BMPER: variants seen among roughly 807,000 people sequenced by gnomAD.
BMPER encodes the protein BMP-binding endothelial regulator protein.
A neutral mutation model predicts 87.3 loss-of-function variants in BMPER; 45 were observed. That is an observed-to-expected ratio of 0.52 (90% confidence interval 0.41 to 0.66). The LOEUF (loss-of-function observed/expected upper bound fraction) is 0.66. BMPER is among the 30% of genes least tolerant of loss of function. The probability of loss-of-function intolerance (pLI) is 0.00; values close to 1 mark genes in which losing one functional copy is unlikely to be tolerated. For synonymous variants in BMPER, 326 were observed against 316.2 expected, an observed-to-expected ratio of 1.03 and a Z score of -0.33; for missense variants, 784 against 867.5, an observed-to-expected ratio of 0.90 and a Z score of 1.21.
intron 3 of BMPER, among the ~76,000 whole-genome samples, chr7:33,949,244 T>A (rs1461733575): frequency 6.6e-6 from 1 of 152,204 alleles, no homozygotes; most frequent in East Asian, 1.9e-4. Context: ...TGTGTATGTG[T>A]GTGCTTGGCT....
Position 34,085,933 on chromosome 7 carries a change from A to T in BMPER, c.1586A>T (p.Glu529Val). 2 of 1,614,126 alleles carry T rather than the reference A, an allele frequency of 1.2e-6. No homozygotes were observed. The highest frequency in any genetic ancestry group is 1.7e-6 in the Non-Finnish European group (2 of 1,180,018). ...VDDFAESWRV[E>V]SNEFCNRPQR... ...GACTTTGCTGAATCTTGGAGGGTGG[A>T]GTCCAATGAGTTCTGCAACAGACCT... is the stretch of plus-strand genomic sequence containing the variant. Residue 529 changes from glutamate (E) to valine (V), a missense_variant, in exon 13 of 15, where the codon GAG (glutamate) becomes GTG (valine). Glu to Val is a moderately radical substitution (Grantham distance 121, BLOSUM62 -2). Coordinates refer to ENST00000649409, the MANE Select transcript of BMPER (RefSeq NM_001365308.1).
intron 6 of BMPER, among the ~76,000 whole-genome samples, chr7:34,029,353 C>G (rs926309114): frequency 1.3e-5 from 2 of 152,060 alleles, no homozygotes; most frequent in Admixed American, 6.6e-5. Context: ...GGGGACCAGG[C>G]TAGAGATGGG....
At chr7:33,905,436 T>TCCCCCCCCCCCCCCCCCCCCC, upstream of BMPER, 1 of 20,338 alleles carries the variant, frequency 4.9e-5, no homozygotes, top group South Asian at 5.0e-4. Context: ...CACCTTGGTC[T>TCCCCCCCCCCCCCCCCCCCCC]CTCCCCCCGC....
chr7:33,945,243 C>CTTTTT (rs376447828), intron 3 of BMPER, among the ~76,000 whole-genome samples: 26 of 81,764 alleles, frequency 3.2e-4, no homozygotes, highest in East Asian at 1.3e-3. Flanking sequence ...GCCTGGACTT[C>CTTTTT]TTTTTTTTTT....
chr7:34,028,664 G>GT (rs1787442186), intron 6 of BMPER, among the ~76,000 whole-genome samples: 1 of 40,388 alleles, frequency 2.5e-5, no homozygotes, highest in Non-Finnish European at 4.9e-5. Context: ...TGGTTTCTTC[G>GT]TATTTGTCCA....
At chr7:34,011,602 A>AG (rs1786881294) in intron 6 of BMPER, among the ~76,000 whole-genome samples, 2 of 148,754 alleles carry the variant, frequency 1.3e-5, no homozygotes, top group Non-Finnish European at 3.0e-5. Flanking sequence ...AAAAAAAAAA[A>AG]AAGAAAAAAA....
At chr7:34,128,092 T>C (rs1346781370) in intron 13 of BMPER, among the ~76,000 whole-genome samples, 1 of 152,236 alleles carries the variant, frequency 6.6e-6, no homozygotes, top group Non-Finnish European at 1.5e-5. Flanking sequence ...TCTCGTGATG[T>C]CTGTTCCCCT....
At chr7:34,113,765 A>G (rs1340499321) in intron 13 of BMPER, among the ~76,000 whole-genome samples, 2 of 152,140 alleles carry the variant, frequency 1.3e-5, no homozygotes, top group Admixed American at 6.5e-5. Context: ...AAGTGGTATA[A>G]TGGTGACCAG....
intron 2 of BMPER, among the ~76,000 whole-genome samples, 170 bp downstream of exon 2, chr7:33,907,073 C>T (rs992455415): frequency 6.6e-6 from 1 of 151,968 alleles, no homozygotes; most frequent in Non-Finnish European, 1.5e-5. Flanking sequence ...GTTTTATGGA[C>T]TTTGGCAATT....
chr7:34,133,420 G>A (rs946737838), intron 13 of BMPER, among the ~76,000 whole-genome samples: 38 of 151,932 alleles, frequency 2.5e-4, no homozygotes, highest in African/African-American at 9.2e-4. Flanking sequence ...GGAAGGTGGT[G>A]TGCCTGGAGA....
intron 3 of BMPER, among the ~76,000 whole-genome samples, chr7:33,943,328 C>T (rs1784811457): frequency 6.6e-6 from 1 of 152,160 alleles, no homozygotes; most frequent in African/African-American, 2.4e-5. Context: ...CCGCACCCCA[C>T]AACATCAAAA....
chr7:34,155,032 G>C lies in BMPER; in HGVS notation c.*1759G>C, dbSNP rs1404641741. 1.3e-5 allele frequency: 2 copies of C among 152,186 alleles called. No homozygotes were observed. Among genetic ancestry groups the C allele is most frequent in the Non-Finnish European group, 2.9e-5 (2 of 68,038 alleles). 9.4% of individuals were successfully genotyped at this position (152,186 alleles called of 1,614,324 possible). Reference sequence around the variant, plus strand: ...CACTTTTGCTTATCTGTAACACAAAGAGGCCATGTAGTATAGTGAGCAGGG... The same window carrying C: ...CACTTTTGCTTATCTGTAACACAAACAGGCCATGTAGTATAGTGAGCAGGG... On this transcript the variant is annotated 3_prime_UTR_variant, in exon 15 of 15. Transcript: ENST00000649409.
At chr7:33,919,342 T>C (rs1178678721) in intron 2 of BMPER, among the ~76,000 whole-genome samples, 1 of 152,216 alleles carries the variant, frequency 6.6e-6, no homozygotes, top group African/African-American at 2.4e-5. Context: ...GGATATATAA[T>C]CCTCCAGGTT....
intron 6 of BMPER, among the ~76,000 whole-genome samples, chr7:34,015,797 C>G (rs1264914447): frequency 3.3e-5 from 5 of 151,872 alleles, no homozygotes; most frequent in Non-Finnish European, 7.4e-5. Flanking sequence ...ATCTAGAGCT[C>G]CTGGACCTTG....
intron 3 of BMPER, among the ~76,000 whole-genome samples, chr7:33,946,095 A>G (rs978452152): frequency 6.6e-6 from 1 of 152,222 alleles, no homozygotes; most frequent in Non-Finnish European, 1.5e-5. Flanking sequence ...GGGAGGCCTC[A>G]GGAAAAGTAC....
intron 11 of BMPER, among the ~76,000 whole-genome samples, chr7:34,069,888 A>G (rs1472159324): frequency 1.3e-5 from 2 of 152,166 alleles, no homozygotes; most frequent in Non-Finnish European, 2.9e-5. Flanking sequence ...TGAAATTCAT[A>G]TTCATGAATG....
chr7:33,939,675 C>G (rs1052546121), intron 3 of BMPER, among the ~76,000 whole-genome samples: 3 of 152,154 alleles, frequency 2.0e-5, no homozygotes, highest in African/African-American at 7.2e-5. Context: ...AGGGGCTCTT[C>G]CCCCTTTGCT....
intron 14 of BMPER, among the ~76,000 whole-genome samples, chr7:34,145,082 G>A (rs1387006078): frequency 6.6e-6 from 1 of 152,196 alleles, no homozygotes; most frequent in Admixed American, 6.5e-5. Context: ...ACCTAAGCCT[G>A]TGCCCTATGC....
intron 14 of BMPER, among the ~76,000 whole-genome samples, chr7:34,149,221 C>G (rs1367739540): frequency 6.6e-6 from 1 of 152,116 alleles, no homozygotes; most frequent in East Asian, 1.9e-4. Flanking sequence ...ACTGCAGATT[C>G]AGAGCAACAA....
Sources: gnomAD v4.1 joint callset for allele counts (sites outside exome capture counted in the v4.1 genomes callset) on GRCh38, gnomAD v4.1.1 for gene constraint, MANE v1.5 for transcripts, NCBI Gene and HGNC (gene_info 2026-07-23, HGNC 2026-07-21) for gene names.